Variants in PHF20L1 observed in about 807,000 individuals in gnomAD.
PHF20L1 encodes PHD finger protein 20-like protein 1.
PHF20L1 carries 44 observed loss-of-function variants against 125.5 expected under a neutral mutation model. The observed-to-expected ratio is 0.35, with a 90% CI of 0.28 to 0.45. The LOEUF is 0.45. Ranked by LOEUF, PHF20L1 falls within the 20% of genes least tolerant of loss-of-function variation. The pLI is 1.00. For synonymous variants in PHF20L1, 380 were observed against 403.1 expected, an observed-to-expected ratio of 0.94 and a Z score of 0.69; for missense variants, 1,012 against 1,217.2, an observed-to-expected ratio of 0.83 and a Z score of 2.51.
At chr8:132,824,741 T>G (rs1316635907) in intron 13 of PHF20L1, 1 of 169,484 alleles carries the variant, frequency 5.9e-6, no homozygotes, top group African/African-American at 2.4e-5. Context: ...AATATATTTT[T>G]TTTTCCTCGT....
At chr8:132,799,772 T>C (rs1417187485) in intron 6 of PHF20L1, 1 of 151,908 alleles carries the variant, frequency 6.6e-6, no homozygotes, top group Non-Finnish European at 1.5e-5. Context: ...AAAAAAATTA[T>C]TCATGAAGAA....
intron 2 of PHF20L1, among the ~76,000 whole-genome samples, chr8:132,786,190 A>T (rs1244497347): frequency 1.3e-5 from 2 of 152,072 alleles, no homozygotes; most frequent in Admixed American, 6.6e-5. Context: ...TTTCCTCTTA[A>T]TTTAAAAATT....
At chr8:132,778,017 T>A in intron 2 of PHF20L1, 106 bp downstream of exon 2, 1 of 712,414 alleles carries the variant, frequency 1.4e-6, no homozygotes, top group Non-Finnish European at 2.5e-6. Context: ...CATCAGTGTA[T>A]TCACATTTCG....
Position 132,846,645 on chromosome 8 carries a change from T to C in PHF20L1, c.*722T>C, listed in dbSNP as rs377211404. 3.3e-5 allele frequency: 5 copies of C among 152,560 alleles called. No individual in the cohort carries two copies. The highest frequency in any genetic ancestry group is 2.0e-4 in the Admixed American group (3 of 15,266). 9.5% of individuals were successfully genotyped at this position (152,560 alleles called of 1,614,324 possible). ...AAGGGTCCGATGTGCCAAGTGATCA[T>C]GATTCTGCTGGAAAGAGGATTTTAA... On this transcript the variant is annotated 3_prime_UTR_variant, in exon 21 of 21. Transcript: ENST00000395386.
intron 12 of PHF20L1, chr8:132,818,574 A>G (rs1238585366): frequency 6.6e-6 from 1 of 151,980 alleles, no homozygotes; most frequent in East Asian, 1.9e-4. Context: ...TTTGTACATG[A>G]TAATTCTTTA....
intron 9 of PHF20L1, chr8:132,812,698 C>T (rs889572584): frequency 1.9e-5 from 19 of 984,298 alleles, no homozygotes; most frequent in South Asian, 4.7e-5. Context: ...GTGTTAGCCT[C>T]GCTTCATAGT....
intron 2 of PHF20L1, among the ~76,000 whole-genome samples, chr8:132,778,606 T>TA (rs1310347372): frequency 8.5e-5 from 13 of 152,196 alleles, no homozygotes; most frequent in Non-Finnish European, 1.5e-5. Flanking sequence ...TGAATTGGTA[T>TA]AAAACTACTA....
In PHF20L1 at chr8:132,803,975, A is replaced by G. The variant is rs1272134829; in HGVS notation, c.664A>G (p.Ile222Val). ...AAAGAAGGAGGAAACTTCAACTTGT[A>G]TAGCCACACCAGACGTAGAGAAGAA... ...PSKKEETSTC[I>V]ATPDVEKKED... The change falls in exon 7 of 21, where the codon ATA becomes GTA. Residue 222 changes from isoleucine to valine, a missense_variant. Physicochemically the swap from Ile to Val is conservative, Grantham distance 29. Coordinates refer to ENST00000395386, the MANE Select transcript of PHF20L1 (RefSeq NM_016018.5). 2 of 1,612,418 alleles carry G rather than the reference A, an allele frequency of 1.2e-6. No individual in the cohort carries two copies. The highest frequency in any genetic ancestry group is 1.7e-6 in the Non-Finnish European group (2 of 1,178,762).
chr8:132,816,941 A>G lies in PHF20L1; in HGVS notation c.1237A>G (p.Arg413Gly), dbSNP rs766821741. Residue 413 changes from arginine to glycine, a missense_variant, in exon 11 of 21, where the codon AGA becomes GGA. Arg to Gly is a moderately radical substitution (Grantham distance 125, BLOSUM62 -2). Coordinates refer to ENST00000395386, the MANE Select transcript of PHF20L1 (RefSeq NM_016018.5). ...ACCTTTCAAGCATAGTGAGCGGAGA[A>G]GAAGATCTCAGCGTTTAGCCACCTT... ...PRPFKHSERR[R>G]RSQRLATLPM... 2 of 1,612,298 alleles carry G rather than the reference A, an allele frequency of 1.2e-6. No individual in the cohort carries two copies. The highest frequency in any genetic ancestry group is 1.7e-6 in the Non-Finnish European group (2 of 1,178,824).
chr8:132,836,859 A>G, intron 16 of PHF20L1, 138 bp downstream of exon 16: 1 of 629,350 alleles, frequency 1.6e-6, no homozygotes, highest in South Asian at 2.0e-5. Context: ...AAATACCCAT[A>G]GTAATGATTA....
chr8:132,798,065 A>G (rs1449255457), intron 4 of PHF20L1, among the ~76,000 whole-genome samples: 1 of 152,094 alleles, frequency 6.6e-6, no homozygotes, highest in Non-Finnish European at 1.5e-5. Flanking sequence ...CATAATAGAC[A>G]AACAAAATCT....
At chr8:132,812,136 G>C (rs1301461918) in intron 9 of PHF20L1, 7 of 979,130 alleles carry the variant, frequency 7.1e-6, no homozygotes, top group Non-Finnish European at 2.4e-6. Flanking sequence ...ATCATCCAAC[G>C]GTTAAGTCTT....
chr8:132,826,812 GT>G (rs1836234758), intron 14 of PHF20L1: 1 of 151,786 alleles, frequency 6.6e-6, no homozygotes, highest in East Asian at 1.9e-4. Context: ...GTACCTAAGT[GT>G]TTTGTGCTAT....
chr8:132,805,610 CTTTG>C (rs1254186390), intron 8 of PHF20L1, among the ~76,000 whole-genome samples: 8 of 151,774 alleles, frequency 5.3e-5, no homozygotes, highest in South Asian at 2.1e-4. Context: ...CTGTAAAAAC[CTTTG>C]TTTGTTGGCT....
At chr8:132,820,774 G>A (rs183474321) in intron 12 of PHF20L1, among the ~76,000 whole-genome samples, 321 of 152,056 alleles carry the variant, frequency 2.1e-3, no homozygotes, top group African/African-American at 7.7e-3. Context: ...AGATTATGAT[G>A]TAGGATTATT....
At chr8:132,842,998 TTAAAG>T (rs913332076) in intron 19 of PHF20L1, 123 bp downstream of exon 19, 30 of 1,429,116 alleles carry the variant, frequency 2.1e-5, no homozygotes, top group South Asian at 6.9e-5. Flanking sequence ...CAGTACCTTG[TTAAAG>T]TAAGGAGATT....
chr8:132,784,089 C>T (rs1830734286), intron 2 of PHF20L1, among the ~76,000 whole-genome samples: 1 of 152,130 alleles, frequency 6.6e-6, no homozygotes, highest in Non-Finnish European at 1.5e-5. Context: ...TTGAACAATG[C>T]TAAATATAAG....
chr8:132,820,808 A>G (rs1359443644), intron 12 of PHF20L1, among the ~76,000 whole-genome samples: 1 of 152,030 alleles, frequency 6.6e-6, no homozygotes, highest in Non-Finnish European at 1.5e-5. Context: ...GTCAATTAAG[A>G]TAGCCTTAGA....
chr8:132,833,320 G>A (rs572175859), intron 15 of PHF20L1, among the ~76,000 whole-genome samples: 2 of 152,216 alleles, frequency 1.3e-5, no homozygotes, highest in Admixed American at 1.3e-4. Context: ...TCGTTATGGA[G>A]AAAGCATTTT....
Sources: allele counts gnomAD v4.1 joint callset (sites outside exome capture counted in the v4.1 genomes callset), GRCh38; gene constraint gnomAD v4.1.1; transcripts MANE v1.5; gene names NCBI Gene and HGNC (gene_info 2026-07-23, HGNC 2026-07-21).